LRP2: variants seen among roughly 807,000 people sequenced by gnomAD.
The protein encoded by LRP2 is low-density lipoprotein receptor-related protein 2.
A neutral mutation model predicts 531.0 loss-of-function variants in LRP2; 172 were observed. The observed-to-expected ratio is 0.32, with a 90% CI of 0.29 to 0.37. The LOEUF is 0.37. Ranked by LOEUF, LRP2 falls within the 10% of genes least tolerant of loss-of-function variation. The pLI, the probability that LRP2 is intolerant of heterozygous loss-of-function variation, is 1.00. For synonymous variants in LRP2, 1,992 were observed against 2,027.6 expected (o/e 0.98, Z 0.47); for missense variants, 5,167 against 5,868.3 (o/e 0.88, Z 3.90).
At position 169,259,375 on chromosome 2, in the gene LRP2, G is replaced by T. The variant is rs139529049; in HGVS notation, c.2321-158C>A. On this transcript the variant is annotated intron_variant, in intron 16 of 78. Transcript: ENST00000649046. Reference sequence around the variant, plus strand: ...AAAAAAAAAAAAAAAAACTCTGTAAGCTGCTGAGCAATAACATGAGACAAA... The same window carrying T: ...AAAAAAAAAAAAAAAAACTCTGTAATCTGCTGAGCAATAACATGAGACAAA... Among the ~76,000 whole-genome samples the T allele has an allele frequency of 7.1e-3, 1,053 of 148,476 alleles. 6 individuals are homozygous for T. The highest frequency in any genetic ancestry group is 0.044 in the Middle Eastern group (12 of 274).
intron 33 of LRP2, 100 bp from the exon 34 acceptor site, chr2:169,220,663 G>C: frequency 1.2e-5 from 9 of 742,060 alleles, no homozygotes; most frequent in South Asian, 1.0e-4. Context: ...TCCAAAGCAC[G>C]ATTAGGGATG....
chr2:169,236,588 AG>A (rs1180903486), intron 28 of LRP2, among the ~76,000 whole-genome samples: 3 of 152,234 alleles, frequency 2.0e-5, no homozygotes, highest in African/African-American at 7.2e-5. Context: ...AAGTAAATTC[AG>A]GGAAAGAAAT....
chr2:169,238,295 C>T lies in LRP2; in HGVS notation c.4302G>A (p.Glu1434=), dbSNP rs751314767. 4.3e-6 allele frequency: 7 copies of T among 1,612,732 alleles called. No individual in the cohort carries two copies. The East Asian group carries it at 8.9e-5, about 21-fold the overall frequency. ...DGRTCKVTAS[E]SLLLLVASQN... is the part of the protein sequence containing the mutation. ...GACTTGCCACAAGTAACAGCAGACT[C>T]TCAGATGCTGTTCAAGAAAAAAATG... is the stretch of plus-strand genomic sequence containing the variant. Residue 1434 remains glutamate (E), a synonymous_variant, in exon 27 of 79, where the codon GAG becomes GAA. Coordinates refer to ENST00000649046, the MANE Select transcript of LRP2 (RefSeq NM_004525.3).
intron 3 of LRP2, among the ~76,000 whole-genome samples, chr2:169,311,731 C>A (rs1684603508): frequency 6.6e-6 from 1 of 152,096 alleles, no homozygotes; most frequent in Non-Finnish European, 1.5e-5. Flanking sequence ...TGGTGCAGAG[C>A]TGAGTTCAAT....
chr2:169,138,338 G>T (rs938524362), intron 75 of LRP2, among the ~76,000 whole-genome samples: 4 of 152,124 alleles, frequency 2.6e-5, no homozygotes, highest in Non-Finnish European at 4.4e-5. Flanking sequence ...ACTTCAGACT[G>T]TTCATGATTC....
chr2:169,180,963 A>T (rs1375191890), intron 52 of LRP2, among the ~76,000 whole-genome samples: 1 of 152,258 alleles, frequency 6.6e-6, no homozygotes, highest in Non-Finnish European at 1.5e-5. Flanking sequence ...ATATTGGATT[A>T]ATGTTAACAG....
At chr2:169,338,388 G>T (rs1488970097) in intron 1 of LRP2, among the ~76,000 whole-genome samples, 28 of 122,198 alleles carry the variant, frequency 2.3e-4, no homozygotes, top group African/African-American at 8.7e-4. Context: ...AAGAAAGAAA[G>T]AAAGAAAGAA....
intron 20 of LRP2, 99 bp from the exon 21 acceptor site, chr2:169,247,085 T>G (rs1052351479): frequency 7.3e-7 from 1 of 1,377,284 alleles, no homozygotes; most frequent in Non-Finnish European, 1.0e-6. Flanking sequence ...CAAAACATTT[T>G]TCAGACCCAA....
intron 42 of LRP2, 104 bp from the exon 43 acceptor site, chr2:169,203,063 C>T (rs756030633): frequency 3.4e-6 from 3 of 891,188 alleles, no homozygotes; most frequent in East Asian, 2.6e-5. Context: ...TAAATGCTCC[C>T]TAAGAAGCGC....
chr2:169,268,309 G>T (rs1683291320), intron 16 of LRP2, among the ~76,000 whole-genome samples: 1 of 152,050 alleles, frequency 6.6e-6, no homozygotes, highest in South Asian at 2.1e-4. Context: ...AACAAAAAAA[G>T]AGAATTTTAG....
At chr2:169,257,839 A>C (rs1373425522) in intron 17 of LRP2, among the ~76,000 whole-genome samples, 1 of 142,688 alleles carries the variant, frequency 7.0e-6, no homozygotes, top group Non-Finnish European at 1.6e-5. Context: ...AAAAAAAAAC[A>C]CAAAAAAAAC....
At chr2:169,157,875 G>C (rs1686392109) in intron 63 of LRP2, among the ~76,000 whole-genome samples, 1 of 150,754 alleles carries the variant, frequency 6.6e-6, no homozygotes, top group South Asian at 2.1e-4. Flanking sequence ...TCAATAGATA[G>C]ATAGAGAGAT....
At chr2:169,177,323 T>C (rs199864272) in intron 53 of LRP2, among the ~76,000 whole-genome samples, 2 of 152,302 alleles carry the variant, frequency 1.3e-5, no homozygotes, top group East Asian at 3.9e-4. Context: ...AAACAAGTTC[T>C]CTTACTTAAA....
chr2:169,315,384 G>T (rs1368566794), intron 3 of LRP2, among the ~76,000 whole-genome samples: 2 of 152,226 alleles, frequency 1.3e-5, no homozygotes, highest in Non-Finnish European at 2.9e-5. Flanking sequence ...TGGGATGGGA[G>T]CATGGATGGG....
chr2:169,359,607 C>T (rs1429891116), intron 1 of LRP2, among the ~76,000 whole-genome samples: 2 of 152,068 alleles, frequency 1.3e-5, no homozygotes, highest in Admixed American at 6.5e-5. Flanking sequence ...ACGTATCAGG[C>T]AGAGGACATT....
chr2:169,290,731 G>T, intron 8 of LRP2, 114 bp downstream of exon 8: 1 of 1,136,806 alleles, frequency 8.8e-7, no homozygotes, highest in Non-Finnish European at 1.3e-6. Flanking sequence ...ATGCCACTAA[G>T]TCTTGGGGTG....
intron 71 of LRP2, 93 bp downstream of exon 71, chr2:169,142,581 G>T: frequency 6.3e-7 from 1 of 1,576,000 alleles, no homozygotes; most frequent in Non-Finnish European, 8.7e-7. Flanking sequence ...CCACTCTGCT[G>T]CAAAGGACCC....
chr2:169,204,151 T>A lies in LRP2; in HGVS notation c.7836A>T (p.Thr2612=), dbSNP rs1688296800. 6.2e-7 allele frequency: 1 copy of A among 1,614,064 alleles called. No homozygotes were observed. The stretch of plus-strand genomic sequence containing the variant: ...ATTTGTTAGCTCGGTAAATTCTTTG[T>A]GTGTACAAGTCAGTCCAGTAAATAT... ...GQYIYWTDLY[T]QRIYRANKYD... Residue 2612 remains threonine (T), a synonymous_variant, in exon 42 of 79, where the codon ACA becomes ACT. Transcript: ENST00000649046.
At chr2:169,167,304 GA>G (rs1186684230) in intron 61 of LRP2, among the ~76,000 whole-genome samples, 1 of 152,136 alleles carries the variant, frequency 6.6e-6, no homozygotes, top group Non-Finnish European at 1.5e-5. Flanking sequence ...TTTCTGAGGA[GA>G]AACAAAATAC....
Sources: allele counts gnomAD v4.1 joint callset (sites outside exome capture counted in the v4.1 genomes callset), GRCh38; gene constraint gnomAD v4.1.1; transcripts MANE v1.5; gene names NCBI Gene and HGNC (gene_info 2026-07-23, HGNC 2026-07-21).